The following SH3PXD2A variants were observed in gnomAD, a reference collection of about 807,000 sequenced individuals.
SH3PXD2A encodes SH3 and PX domain-containing protein 2A.
Under a neutral mutation model 115.2 loss-of-function variants are expected in SH3PXD2A, and 32 were observed. The observed-to-expected ratio is 0.28, with a 90% CI of 0.21 to 0.37. SH3PXD2A has a LOEUF of 0.37. Ranked by LOEUF, SH3PXD2A falls within the 10% of genes least tolerant of loss-of-function variation. The pLI, the probability that SH3PXD2A is intolerant of heterozygous loss-of-function variation, is 1.00. For synonymous variants in SH3PXD2A, 610 were observed against 629.1 expected, an observed-to-expected ratio of 0.97 and a Z score of 0.45; for missense variants, 1,328 against 1,498.7, an observed-to-expected ratio of 0.89 and a Z score of 1.88.
chr10:103,794,979 G>A (rs1331224000), intron 2 of SH3PXD2A, among the ~76,000 whole-genome samples: 2 of 152,172 alleles, frequency 1.3e-5, no homozygotes, highest in African/African-American at 2.4e-5. Context: ...GGCAACTCAG[G>A]AAGGGGCTGG....
intron 8 of SH3PXD2A, among the ~76,000 whole-genome samples, chr10:103,654,866 C>T (rs2037185339): frequency 6.6e-6 from 1 of 152,030 alleles, no homozygotes; most frequent in Non-Finnish European, 1.5e-5. Flanking sequence ...GAAAAGCAGC[C>T]TTCTCTAACA....
chr10:103,606,235 G>A (rs1469167525), intron 13 of SH3PXD2A, among the ~76,000 whole-genome samples: 1 of 150,440 alleles, frequency 6.6e-6, no homozygotes, highest in African/African-American at 2.5e-5. Context: ...TCTGAGATAG[G>A]GTCTTGCTTT....
At chr10:103,820,480 G>A (rs1037056028) in intron 1 of SH3PXD2A, among the ~76,000 whole-genome samples, 3 of 152,328 alleles carry the variant, frequency 2.0e-5, no homozygotes, top group Non-Finnish European at 2.9e-5. Flanking sequence ...TCAGGCTGAG[G>A]TTGAGGTGAG....
intron 5 of SH3PXD2A, among the ~76,000 whole-genome samples, chr10:103,702,894 C>T (rs2037936421): frequency 6.6e-6 from 1 of 152,140 alleles, no homozygotes; most frequent in African/African-American, 2.4e-5. Context: ...CCTCAAGCTA[C>T]ACTGGCCCCA....
intron 8 of SH3PXD2A, among the ~76,000 whole-genome samples, chr10:103,660,334 G>A (rs962494683): frequency 1.3e-5 from 2 of 152,134 alleles, no homozygotes; most frequent in Non-Finnish European, 1.5e-5. Flanking sequence ...CCCCTCCGTG[G>A]CACCCTGAGA....
chr10:103,684,502 G>A (rs1189552347), intron 6 of SH3PXD2A, among the ~76,000 whole-genome samples: 1 of 151,988 alleles, frequency 6.6e-6, no homozygotes, highest in Non-Finnish European at 1.5e-5. Context: ...GGGATTACAG[G>A]TGCGGGCCAC....
rs893694799 is a variant in SH3PXD2A, at chr10:103,602,540, T to C, written c.2678A>G (p.Tyr893Cys). The C allele has an allele frequency of 2.5e-6, 4 of 1,613,978 alleles. No homozygotes were observed. The African/African-American group carries it at 4.0e-5, about 16-fold the overall frequency. The change falls in exon 15 of 15, where the codon TAT becomes TGT. Residue 893 changes from tyrosine (Y) to cysteine (C), a missense_variant. Physicochemically the swap from Tyr to Cys is radical, Grantham distance 194. This residue lies in a region of SH3PXD2A where 574 missense variants were observed against 565.7 expected (regional missense o/e 1.01). Coordinates refer to ENST00000369774, the MANE Select transcript of SH3PXD2A (RefSeq NM_001394015.1). The stretch of plus-strand genomic sequence containing the variant: ...TTGCTCGTTCTCATCCAGCACCAAA[T>C]AGTGGGAAGGGGCCCAGCCCTCCAG... ...GELEGWAPSH[Y>C]LVLDENEQPD...
At chr10:103,801,568 T>C (rs10786768) in intron 1 of SH3PXD2A, among the ~76,000 whole-genome samples, 88,461 of 131,394 alleles carry the variant, frequency 0.67, 26,712 homozygotes, top group South Asian at 0.75. Context: ...CACACACACA[T>C]ACCCCTAGAG....
rs1467988012 is a variant in SH3PXD2A at position 103,600,803 on chromosome 10, T to C, written c.*1013A>G. 6.6e-6 allele frequency: 1 copy of C among 152,178 alleles called. No individual in the cohort carries two copies. The allele number at this position is 152,178 out of a possible 1,614,324, so 9.4% of individuals were successfully genotyped here. ...CAGTGGAAACCAAATGAAACGACTTTGGCTTGTGGAGGGGGAAGAATGTGA... is the reference window on the plus strand; with the variant it reads ...CAGTGGAAACCAAATGAAACGACTTCGGCTTGTGGAGGGGGAAGAATGTGA... On this transcript the variant is annotated 3_prime_UTR_variant, in exon 15 of 15. Transcript: ENST00000369774.
At chr10:103,821,490 G>A (rs725077) in intron 1 of SH3PXD2A, among the ~76,000 whole-genome samples, 88,259 of 151,842 alleles carry the variant, frequency 0.58, 26,677 homozygotes, top group South Asian at 0.7. Flanking sequence ...TGCCAAGGGA[G>A]GCTTAATCCC....
intron 5 of SH3PXD2A, among the ~76,000 whole-genome samples, chr10:103,714,795 G>A (rs1328953672): frequency 1.3e-5 from 2 of 152,236 alleles, no homozygotes; most frequent in South Asian, 2.1e-4. Flanking sequence ...TGTGGCCCAC[G>A]TCCCTGGCCA....
At chr10:103,606,141 T>C (rs1278826587) in intron 13 of SH3PXD2A, among the ~76,000 whole-genome samples, 1 of 151,800 alleles carries the variant, frequency 6.6e-6, no homozygotes, top group Admixed American at 6.6e-5. Flanking sequence ...CACGGAAGAC[T>C]TGTCTGAGCT....
At chr10:103,673,870 G>T (rs935661439) in intron 6 of SH3PXD2A, among the ~76,000 whole-genome samples, 1 of 152,200 alleles carries the variant, frequency 6.6e-6, no homozygotes, top group African/African-American at 2.4e-5. Flanking sequence ...CACTAGCCTT[G>T]TCAGTTTCTT....
chr10:103,637,783 C>T (rs929867058), intron 8 of SH3PXD2A, among the ~76,000 whole-genome samples: 6 of 152,134 alleles, frequency 3.9e-5, no homozygotes, highest in Non-Finnish European at 8.8e-5. Context: ...CCTGGCCAGG[C>T]GCATGGCACC....
At chr10:103,788,974 G>C (rs2039006241) in intron 2 of SH3PXD2A, among the ~76,000 whole-genome samples, 1 of 152,164 alleles carries the variant, frequency 6.6e-6, no homozygotes, top group Non-Finnish European at 1.5e-5. Flanking sequence ...TGGGGCGGGG[G>C]CTGCTGATGA....
intron 6 of SH3PXD2A, among the ~76,000 whole-genome samples, chr10:103,686,409 A>G (rs1004581642): frequency 2.0e-5 from 3 of 152,174 alleles, no homozygotes; most frequent in African/African-American, 7.2e-5. Flanking sequence ...GCAGCTTTTT[A>G]GAGAACTGGG....
chr10:103,611,444 C>G, intron 13 of SH3PXD2A, 137 bp downstream of exon 13: 1 of 808,598 alleles, frequency 1.2e-6, no homozygotes, highest in Non-Finnish European at 2.1e-6. Context: ...CCTAGCCCCA[C>G]AAAACTAGAA....
intron 1 of SH3PXD2A, among the ~76,000 whole-genome samples, chr10:103,848,841 G>A (rs1302420016): frequency 1.3e-5 from 2 of 151,762 alleles, no homozygotes; most frequent in Non-Finnish European, 2.9e-5. Flanking sequence ...AAATACTTAT[G>A]CTGAGCTCCA....
intron 9 of SH3PXD2A, among the ~76,000 whole-genome samples, 170 bp from the exon 10 acceptor site, chr10:103,622,723 G>A (rs2036625966): frequency 6.6e-6 from 1 of 152,174 alleles, no homozygotes; most frequent in African/African-American, 2.4e-5. Flanking sequence ...TGTTGGATGG[G>A]GCAGATATGA....
Sources: gnomAD v4.1 joint callset for allele counts (sites outside exome capture counted in the v4.1 genomes callset) on GRCh38, gnomAD v4.1.1 for gene constraint, gnomAD v4.1.1 regional missense constraint, MANE v1.5 for transcripts, NCBI Gene and HGNC (gene_info 2026-07-23, HGNC 2026-07-21) for gene names.